Variants in FAM153A observed in about 807,000 individuals in gnomAD.
FAM153A encodes the protein family with sequence similarity 153 member A.
A neutral mutation model predicts 48.1 loss-of-function variants in FAM153A; 12 were observed. That is an observed-to-expected ratio of 0.25 (90% CI 0.16 to 0.40). The LOEUF (loss-of-function observed/expected upper bound fraction) is 0.40, where lower values mean the gene tolerates loss of function less well. FAM153A is among the 10% of genes least tolerant of loss of function. The pLI, the probability that FAM153A is intolerant of heterozygous loss-of-function variation, is 1.00. For missense variants in FAM153A, 111 were observed against 345.8 expected (o/e 0.32, Z 5.38); for synonymous variants, 36 against 118.2 (o/e 0.30, Z 4.51).
chr5:177,722,119 A>AT (rs1226072995), downstream of FAM153A: 1 of 144,870 alleles, frequency 6.9e-6, no homozygotes, highest in South Asian at 2.2e-4. Flanking sequence ...TAAAGTCAGA[A>AT]TTTTTTTGTT....
chr5:177,760,015 T>C (rs1182431999), intron 1 of FAM153A, among the ~76,000 whole-genome samples: 1 of 147,590 alleles, frequency 6.8e-6, no homozygotes, highest in Non-Finnish European at 1.5e-5. Context: ...TGTTGCATTT[T>C]TTTTCAGGAA....
At chr5:177,698,022 G>A in the FAM153A span, among the ~76,000 whole-genome samples, 1 of 151,006 alleles carries the variant, frequency 6.6e-6, no homozygotes, top group Non-Finnish European at 1.5e-5. Context: ...CTTTTTGTTT[G>A]GGAAGTTAGC....
upstream of FAM153A, among the ~76,000 whole-genome samples, chr5:177,781,264 A>ATTTTTTTTTTTTTTTTTTTTT (rs1303137176): frequency 2.7e-5 from 2 of 75,306 alleles, no homozygotes; most frequent in African/African-American, 5.9e-5. Context: ...ACGCCCGGCT[A>ATTTTTTTTTTTTTTTTTTTTT]TTTTTTTTTT....
chr5:177,760,338 G>A (rs1267380546), intron 1 of FAM153A, among the ~76,000 whole-genome samples: 5 of 85,096 alleles, frequency 5.9e-5, no homozygotes, highest in African/African-American at 2.6e-4. Context: ...CCAGGTTCAC[G>A]CCATTCTCCT....
intron 10 of FAM153A, 139 bp from the exon 13 acceptor site, chr5:177,737,251 C>A: frequency 6.3e-7 from 1 of 1,585,080 alleles, no homozygotes; most frequent in South Asian, 1.1e-5. Flanking sequence ...GTCCATCCTC[C>A]ATGGTGGAGG....
chr5:177,694,428 A>ATATAAGTCC, the FAM153A span, among the ~76,000 whole-genome samples: 1 of 117,042 alleles, frequency 8.5e-6, no homozygotes, highest in Non-Finnish European at 1.7e-5. Flanking sequence ...ATGGGCCACC[A>ATATAAGTCC]AAATGTCATG....
downstream of FAM153A, chr5:177,706,954 TAAAG>T (rs2127544303): frequency 6.6e-6 from 1 of 151,762 alleles, no homozygotes; most frequent in East Asian, 1.9e-4. Flanking sequence ...AAATAGAAAA[TAAAG>T]GTCATTATAA....
the FAM153A span, among the ~76,000 whole-genome samples, chr5:177,699,752 T>G: frequency 6.6e-6 from 1 of 152,226 alleles, no homozygotes; most frequent in South Asian, 2.1e-4. Flanking sequence ...GCCAGATGGC[T>G]TGACTGGTGA....
At position 177,778,533 on chromosome 5, in the gene FAM153A, A is replaced by G. The variant is rs189730320; in HGVS notation, c.-57+1916T>C. Among the ~76,000 whole-genome samples, 7 of 94,634 alleles carry G rather than the reference A, an allele frequency of 7.4e-5. 3 individuals carry two copies. Among genetic ancestry groups the G allele is most frequent in the African/African-American group, 2.9e-4 (7 of 23,760 alleles). 62.1% of individuals were successfully genotyped at this position (94,634 alleles called of 152,430 possible). On this transcript the variant is annotated intron_variant, in intron 1 of 8. Transcript: ENST00000393518. Reference sequence around the variant, plus strand: ...TAAAATCCTAGCATTTTGGGAGGCCAAAGCAGGAGGATCACTTGAGCCCAG... The same window carrying G: ...TAAAATCCTAGCATTTTGGGAGGCCGAAGCAGGAGGATCACTTGAGCCCAG...
intron 1 of FAM153A, among the ~76,000 whole-genome samples, chr5:177,758,787 A>G (rs1306995392): frequency 6.8e-6 from 1 of 146,018 alleles, no homozygotes; most frequent in Non-Finnish European, 1.5e-5. Context: ...AGAAAGCTGA[A>G]ACTAGATCCC....
At chr5:177,781,915 G>C (rs1769715029), upstream of FAM153A, among the ~76,000 whole-genome samples, 1 of 82,442 alleles carries the variant, frequency 1.2e-5, no homozygotes, top group Non-Finnish European at 2.5e-5. Context: ...ATTTTTAGTA[G>C]AGACGGGGTT....
downstream of FAM153A, among the ~76,000 whole-genome samples, chr5:177,718,914 T>C (rs1250032296): frequency 3.3e-5 from 5 of 151,504 alleles, no homozygotes; most frequent in Non-Finnish European, 5.9e-5. Context: ...TAGAGTCTTG[T>C]TCTATTATCC....
At chr5:177,708,445 C>T (rs1758049587), downstream of FAM153A, among the ~76,000 whole-genome samples, 1 of 151,892 alleles carries the variant, frequency 6.6e-6, no homozygotes. Context: ...GGCGTGGTGG[C>T]ACATGCCTGT....
intron 1 of FAM153A, among the ~76,000 whole-genome samples, chr5:177,758,970 C>G (rs1768030233): frequency 6.6e-6 from 1 of 151,790 alleles, no homozygotes; most frequent in Non-Finnish European, 1.5e-5. Context: ...CCAAAATTAA[C>G]AAATGGGATC....
chr5:177,706,464 G>C (rs1240933456), downstream of FAM153A, among the ~76,000 whole-genome samples: 5 of 151,900 alleles, frequency 3.3e-5, 1 homozygote, highest in African/African-American at 1.2e-4. Flanking sequence ...CTCCCAAAGT[G>C]CTGGGATTAC....
downstream of FAM153A, among the ~76,000 whole-genome samples, chr5:177,708,482 T>C (rs1200589543): frequency 6.6e-6 from 1 of 151,374 alleles, no homozygotes; most frequent in Non-Finnish European, 1.5e-5. Context: ...GAGGCTGAAG[T>C]AGGAGAATCG....
At position 177,771,042 on chromosome 5, in the gene FAM153A, C is replaced by T. The variant is rs1358968355; in HGVS notation, c.-57+9407G>A. ...ATATTTAAGCAGGACACAGTGGTAA[C>T]CCTAAAAATTGGAGATCATTAAAGA... is the stretch of plus-strand genomic sequence containing the variant. On this transcript the variant is annotated intron_variant, in intron 1 of 8. Transcript: ENST00000393518. Among the ~76,000 whole-genome samples the T allele has an allele frequency of 1.7e-4, 17 of 97,402 alleles. 7 individuals carry two copies. The highest frequency in any genetic ancestry group is 3.6e-4 in the Non-Finnish European group (17 of 47,028). The allele number at this position is 97,402 out of a possible 152,430, so 63.9% of individuals were successfully genotyped here. A position where few individuals can be genotyped will look rare whatever the true frequency, so the allele number is the denominator to read the frequency against.
chr5:177,759,925 C>G (rs1372176386), intron 1 of FAM153A, among the ~76,000 whole-genome samples: 1 of 150,616 alleles, frequency 6.6e-6, no homozygotes, highest in Non-Finnish European at 1.5e-5. Flanking sequence ...GCACGTTGTG[C>G]ACATGTACCC....
At chr5:177,708,469 C>G (rs376260018), downstream of FAM153A, among the ~76,000 whole-genome samples, 341 of 151,846 alleles carry the variant, frequency 2.2e-3, 8 homozygotes, top group African/African-American at 8.1e-3. Context: ...CCCAGCTACT[C>G]GGGAGGCTGA....
Sources: gnomAD v4.1 joint callset for allele counts (sites outside exome capture counted in the v4.1 genomes callset) on GRCh38, gnomAD v4.1.1 for gene constraint, MANE v1.5 for transcripts, NCBI Gene and HGNC (gene_info 2026-07-23, HGNC 2026-07-21) for gene names.